RBM47: variants seen among roughly 807,000 people sequenced by gnomAD.
RBM47 encodes RNA binding motif protein 47, also known as RNA-binding protein 47.
RBM47 carries 21 observed loss-of-function variants against 47.1 expected under a neutral mutation model. That is an observed-to-expected ratio of 0.45 (90% CI 0.32 to 0.64). RBM47 has a LOEUF of 0.64. RBM47 is among the 30% of genes least tolerant of loss of function. The pLI is 0.05. For synonymous variants in RBM47, 375 were observed against 361.7 expected, an observed-to-expected ratio of 1.04 and a Z score of -0.42; for missense variants, 708 against 870.9, an observed-to-expected ratio of 0.81 and a Z score of 2.35.
chr4:40,483,511 G>A (rs188666392), intron 2 of RBM47, among the ~76,000 whole-genome samples: 14 of 152,312 alleles, frequency 9.2e-5, no homozygotes, highest in African/African-American at 3.4e-4. Context: ...GAGAAGCGCT[G>A]TGATCTGCTT....
At chr4:40,574,375 C>T (rs922063147) in intron 1 of RBM47, among the ~76,000 whole-genome samples, 1 of 152,092 alleles carries the variant, frequency 6.6e-6, no homozygotes, top group Non-Finnish European at 1.5e-5. Flanking sequence ...AGGGGACACC[C>T]GACTGAGACA....
intron 1 of RBM47, among the ~76,000 whole-genome samples, chr4:40,593,742 G>T (rs935569216): frequency 2.0e-5 from 3 of 152,180 alleles, no homozygotes; most frequent in African/African-American, 4.8e-5. Context: ...AAATTAGCTG[G>T]GCGTGGTGGC....
chr4:40,588,279 G>A (rs1009196290), intron 1 of RBM47, among the ~76,000 whole-genome samples: 1 of 152,160 alleles, frequency 6.6e-6, no homozygotes, highest in Non-Finnish European at 1.5e-5. Flanking sequence ...AGCTTCCCAG[G>A]GCTCTATCAT....
chr4:40,476,390 G>A (rs2154239557), intron 2 of RBM47, among the ~76,000 whole-genome samples: 1 of 151,910 alleles, frequency 6.6e-6, no homozygotes, highest in South Asian at 2.1e-4. Flanking sequence ...TGATCAGTCT[G>A]GGAGAAAAAA....
intron 6 of RBM47, among the ~76,000 whole-genome samples, chr4:40,430,174 G>A (rs1048016742): frequency 6.6e-6 from 1 of 151,928 alleles, no homozygotes; most frequent in Admixed American, 6.6e-5. Flanking sequence ...CAGCCTGGGC[G>A]ACAGAGCGAG....
At chr4:40,597,293 T>C (rs1380041013) in intron 1 of RBM47, among the ~76,000 whole-genome samples, 1 of 150,976 alleles carries the variant, frequency 6.6e-6, no homozygotes, top group African/African-American at 2.4e-5. Context: ...ATCAAAATAC[T>C]TCAATAAATA....
intron 2 of RBM47, among the ~76,000 whole-genome samples, chr4:40,507,172 G>A (rs1312261686): frequency 6.6e-6 from 1 of 151,972 alleles, no homozygotes; most frequent in African/African-American, 2.4e-5. Flanking sequence ...GGCCAGGCTG[G>A]TCTCGAACTC....
chr4:40,469,998 G>C (rs1480940331), intron 2 of RBM47, among the ~76,000 whole-genome samples: 1 of 152,128 alleles, frequency 6.6e-6, no homozygotes, highest in Non-Finnish European at 1.5e-5. Flanking sequence ...TGTTATGTTT[G>C]TCCTGTGGCT....
intron 1 of RBM47, among the ~76,000 whole-genome samples, chr4:40,610,728 T>C (rs1351768620): frequency 6.6e-6 from 1 of 151,642 alleles, no homozygotes; most frequent in East Asian, 1.9e-4. Context: ...AATTCCCATG[T>C]GGTGTGGGAG....
intron 1 of RBM47, among the ~76,000 whole-genome samples, chr4:40,602,445 C>T (rs1000772937): frequency 2.0e-5 from 3 of 151,300 alleles, no homozygotes; most frequent in Admixed American, 6.6e-5. Context: ...GTCAAGATAT[C>T]GAGACCATCC....
intron 1 of RBM47, among the ~76,000 whole-genome samples, chr4:40,602,666 GAATATCATAAATCTC>G (rs1247820399): frequency 6.7e-6 from 1 of 149,588 alleles, no homozygotes; most frequent in Non-Finnish European, 1.5e-5. Flanking sequence ...AAAAAAAAAG[GAATATCATAAATCTC>G]AAGACAACTA....
intron 1 of RBM47, among the ~76,000 whole-genome samples, chr4:40,553,642 C>A (rs910570809): frequency 1.3e-5 from 2 of 152,146 alleles, no homozygotes; most frequent in African/African-American, 4.8e-5. Flanking sequence ...ATCTGCCCCA[C>A]TAAAATGTGA....
chr4:40,592,574 G>A (rs560036871), intron 1 of RBM47, among the ~76,000 whole-genome samples: 2 of 151,600 alleles, frequency 1.3e-5, no homozygotes, highest in East Asian at 1.9e-4. Flanking sequence ...ACAGGCATGC[G>A]ACACCATGCA....
At chr4:40,514,925 AAAACTGTC>A (rs536053829) in intron 2 of RBM47, among the ~76,000 whole-genome samples, 406 of 129,814 alleles carry the variant, frequency 3.1e-3, no homozygotes, top group African/African-American at 0.014. Flanking sequence ...GCTGAGCTGA[AAAACTGTC>A]AAAGGCAAGA....
Position 40,423,822 on chromosome 4 carries a change from G to C in RBM47, c.*2082C>G, listed in dbSNP as rs892216052. On this transcript the variant is annotated 3_prime_UTR_variant, in exon 7 of 7. Coordinates refer to ENST00000295971, the MANE Select transcript of RBM47 (RefSeq NM_001098634.2). Reference sequence around the variant, plus strand: ...TCATAGTTTCATCCAGTGAAACTCTGTGACAATCCTTCACTAGAAGGAGAG... The same window carrying C: ...TCATAGTTTCATCCAGTGAAACTCTCTGACAATCCTTCACTAGAAGGAGAG... 2 of 152,356 alleles carry C rather than the reference G, an allele frequency of 1.3e-5. No individual in the cohort carries two copies. The highest frequency in any genetic ancestry group is 4.8e-5 in the African/African-American group (2 of 41,362). The allele number at this position is 152,356 out of a possible 1,614,324, so 9.4% of individuals were successfully genotyped here.
At chr4:40,592,726 C>G (rs7677600) in intron 1 of RBM47, among the ~76,000 whole-genome samples, 1 of 149,614 alleles carries the variant, frequency 6.7e-6, no homozygotes, top group African/African-American at 2.5e-5. Context: ...GCCTGGCCAA[C>G]TTTTGTATTT....
intron 1 of RBM47, among the ~76,000 whole-genome samples, chr4:40,546,579 G>A (rs565711953): frequency 6.6e-6 from 1 of 152,150 alleles, no homozygotes; most frequent in South Asian, 2.1e-4. Flanking sequence ...GAAAATACTG[G>A]GCTATGCTAA....
chr4:40,541,267 A>T (rs1728513600), intron 2 of RBM47, among the ~76,000 whole-genome samples: 1 of 151,388 alleles, frequency 6.6e-6, no homozygotes, highest in South Asian at 2.1e-4. Flanking sequence ...TTCTCTCAAA[A>T]AAAAAAAAAA....
At chr4:40,566,152 C>T (rs1731084223) in intron 1 of RBM47, among the ~76,000 whole-genome samples, 1 of 152,056 alleles carries the variant, frequency 6.6e-6, no homozygotes, top group Non-Finnish European at 1.5e-5. Context: ...AAGAACAAAG[C>T]AAAAGAGCAA....
Sources: allele counts gnomAD v4.1 joint callset (sites outside exome capture counted in the v4.1 genomes callset), GRCh38; gene constraint gnomAD v4.1.1; transcripts MANE v1.5; gene names NCBI Gene and HGNC (gene_info 2026-07-23, HGNC 2026-07-21).